The following CERCAM variants were observed in gnomAD, a reference collection of about 807,000 sequenced individuals.
CERCAM encodes inactive glycosyltransferase 25 family member 3.
A neutral mutation model predicts 66.0 loss-of-function variants in CERCAM; 59 were observed. The ratio of observed to expected loss-of-function variants is 0.89; its 90% CI spans 0.73 to 1.11. The LOEUF is 1.11. CERCAM is among the 50% of genes most tolerant of loss of function. CERCAM has a pLI of 0.00. For missense variants in CERCAM, 840 were observed against 828.3 expected (o/e 1.01, Z -0.17); for synonymous variants, 318 against 343.6 (o/e 0.93, Z 0.83).
intron 8 of CERCAM, 34 bp from the exon 9 acceptor site, chr9:128,431,137 G>T (rs745918379): frequency 1.2e-6 from 2 of 1,606,912 alleles, no homozygotes; most frequent in Non-Finnish European, 1.7e-6. Flanking sequence ...TCTCTGGCAG[G>T]CACCCCTCAC....
chr9:128,431,334 C>T (rs1332125599), intron 9 of CERCAM, 31 bp downstream of exon 9: 1 of 1,612,650 alleles, frequency 6.2e-7, no homozygotes, highest in African/African-American at 1.3e-5. Flanking sequence ...CATCCACAGC[C>T]TTCGGGGAGA....
chr9:128,422,541 C>A, intron 1 of CERCAM: 1 of 248,300 alleles, frequency 4.0e-6, no homozygotes, highest in Non-Finnish European at 8.0e-6. Context: ...GCACTACAGC[C>A]TGGGCGACAG....
chr9:128,420,837 C>A, upstream of CERCAM: 1 of 1,072,580 alleles, frequency 9.3e-7, no homozygotes, highest in Non-Finnish European at 1.2e-6. The surrounding 1 kb of genome is among the most constrained non-coding windows in gnomAD (Gnocchi z 5.0). Flanking sequence ...TCGGCCGGCC[C>A]GAGAGCTCCG....
intron 5 of CERCAM, among the ~76,000 whole-genome samples, chr9:128,425,515 CTT>C (rs1227487963): frequency 9.1e-5 from 13 of 142,368 alleles, no homozygotes; most frequent in Admixed American, 1.4e-4. Flanking sequence ...CTTTTCTGCC[CTT>C]TTTTTTTTTT....
At position 128,432,993 on chromosome 9, in the gene CERCAM, G is replaced by C. The variant is rs1355348197; in HGVS notation, c.1204-1109G>C. Among the ~76,000 whole-genome samples, 3 of 151,884 alleles carry C rather than the reference G, an allele frequency of 2.0e-5. No individual in the cohort carries two copies. The East Asian group carries it at 5.8e-4, about 30-fold the overall frequency. ...TACTAAAAATACAAAAATTAGCCCG[G>C]CGTTGGCCGGGCGCCGTGGCTCACG... On this transcript the variant is annotated intron_variant, in intron 9 of 12. Coordinates refer to ENST00000372838, the MANE Select transcript of CERCAM (RefSeq NM_016174.5).
Position 128,421,072 on chromosome 9 carries a change from C to A in CERCAM, c.195C>A (p.Leu65=). The A allele has an allele frequency of 1.5e-6, 2 of 1,311,478 alleles. No homozygotes were observed. Among genetic ancestry groups the A allele is most frequent in the South Asian group, 2.1e-5 (1 of 48,308 alleles). The allele number at this position is 1,311,478 out of a possible 1,614,324, so 81.2% of individuals were successfully genotyped here. Reference sequence around the variant, plus strand: ...ACTACCCCCGGGCCAGGATGGCCCTCTGGTGAGAGACCCGGGCATTGGCAC... The same window carrying A: ...ACTACCCCCGGGCCAGGATGGCCCTATGGTGAGAGACCCGGGCATTGGCAC... ...RLDYPRARMA[L]WCATDHNVDN... Residue 65 remains leucine (L), a splice_region_variant and synonymous_variant, in exon 1 of 13, where the codon CTC becomes CTA. Coordinates refer to ENST00000372838, the MANE Select transcript of CERCAM (RefSeq NM_016174.5).
intron 8 of CERCAM, among the ~76,000 whole-genome samples, chr9:128,429,669 G>A (rs911155700): frequency 2.6e-5 from 4 of 151,892 alleles, no homozygotes; most frequent in African/African-American, 4.8e-5. Flanking sequence ...GCTGGAGTGC[G>A]GTGCCACAAA....
In CERCAM at chr9:128,435,761, C is replaced by T. The variant is rs200746110; in HGVS notation, c.1644C>T (p.Asp548=). 36 of 1,613,468 alleles carry T rather than the reference C, an allele frequency of 2.2e-5. No homozygotes were observed. Among genetic ancestry groups the T allele is most frequent in the Admixed American group, 2.2e-4 (13 of 59,980 alleles). The change falls in exon 12 of 13, where the codon GAC becomes GAT. Residue 548 remains aspartate (D), a synonymous_variant. Coordinates refer to ENST00000372838, the MANE Select transcript of CERCAM (RefSeq NM_016174.5). The part of the protein sequence containing the change: ...HYAGDAEWLS[D]TETSSPWDDD... ...CCGGGGACGCCGAGTGGCTCAGTGA[C>T]ACGGAGACATCCTCTCCATGGGATG...
At chr9:128,427,485 C>T (rs7389492) in intron 5 of CERCAM, among the ~76,000 whole-genome samples, 34,459 of 150,614 alleles carry the variant, frequency 0.23, 4,291 homozygotes, top group East Asian at 0.38. Flanking sequence ...AAATATTGGC[C>T]GGGTGCAGTG....
In CERCAM at chr9:128,421,003, C is replaced by T; in HGVS notation, c.126C>T (p.Ala42=). 1 of 1,464,800 alleles carries T rather than the reference C, an allele frequency of 6.8e-7. No individual in the cohort carries two copies. Among genetic ancestry groups the T allele is most frequent in the Non-Finnish European group, 9.0e-7 (1 of 1,108,706 alleles). The allele number at this position is 1,464,800 out of a possible 1,614,324, so 90.7% of individuals were successfully genotyped here. A position where few individuals can be genotyped will look rare whatever the true frequency, so the allele number is the denominator to read the frequency against. The stretch of plus-strand genomic sequence containing the variant: ...TCCTTGCCATCCTGGCCCGCAATGC[C>T]GAACACTCGCTGCCCCACTACCTGG... ...AVVLAILARN[A]EHSLPHYLGA... Residue 42 remains alanine (A), a synonymous_variant, in exon 1 of 13, where the codon GCC becomes GCT. Transcript: ENST00000372838.
intron 1 of CERCAM, chr9:128,421,284 A>T (rs1013278949): frequency 2.4e-6 from 3 of 1,229,142 alleles, no homozygotes; most frequent in Non-Finnish European, 3.0e-6. Flanking sequence ...CCACAGGCCG[A>T]CGCGGGACAC....
chr9:128,431,133 G>T (rs1833964043), intron 8 of CERCAM, 38 bp from the exon 9 acceptor site: 6 of 1,606,214 alleles, frequency 3.7e-6, no homozygotes, highest in Non-Finnish European at 5.1e-6. Flanking sequence ...GGGGTCTCTG[G>T]CAGGCACCCC....
In CERCAM at chr9:128,437,244, C is replaced by G. The variant is rs904611747; in HGVS notation, c.*396C>G. 5.9e-5 allele frequency: 9 copies of G among 152,172 alleles called. No homozygotes were observed. Among genetic ancestry groups the G allele is most frequent in the African/African-American group, 2.2e-4 (9 of 41,248 alleles). The allele number at this position is 152,172 out of a possible 1,614,324, so 9.4% of individuals were successfully genotyped here. On this transcript the variant is annotated 3_prime_UTR_variant, in exon 13 of 13. Transcript: ENST00000372838. Reference sequence around the variant, plus strand: ...TTGATGTTTGGGTCTCCCCAGCACCCTCCTCCCTGGCCGGTGCAAAGTACA... The same window carrying G: ...TTGATGTTTGGGTCTCCCCAGCACCGTCCTCCCTGGCCGGTGCAAAGTACA...
In CERCAM at chr9:128,434,188, G is replaced by A; in HGVS notation, c.1290G>A (p.Leu430=). 6.2e-7 allele frequency: 1 copy of A among 1,614,166 alleles called. No individual in the cohort carries two copies. The highest frequency in any genetic ancestry group is 1.6e-4 in the Middle Eastern group (1 of 6,062). Residue 430 remains leucine, a synonymous_variant, in exon 10 of 13, where the codon CTG becomes CTA. Coordinates refer to ENST00000372838, the MANE Select transcript of CERCAM (RefSeq NM_016174.5). This position sits in a 1 kb window ranked among gnomAD's most constrained non-coding sequence, Gnocchi z 4.5. ...ESNFRGRLER[L]MEDVEAEKLS... ...ACTTCAGGGGGCGGCTGGAGCGGCT[G>A]ATGGAGGATGTGGAGGCAGAGAAAC...
chr9:128,421,566 C>T, intron 1 of CERCAM: 1 of 965,002 alleles, frequency 1.0e-6, no homozygotes, highest in African/African-American at 1.8e-5. Context: ...TCAGACCGGC[C>T]CCCCCACCGC....
intron 9 of CERCAM, 132 bp from the exon 10 acceptor site, chr9:128,433,970 C>A: frequency 8.0e-7 from 1 of 1,245,628 alleles, no homozygotes; most frequent in Non-Finnish European, 1.1e-6. Context: ...GTGGGGCCCC[C>A]AGCAGGCTTT....
intron 9 of CERCAM, among the ~76,000 whole-genome samples, chr9:128,433,590 T>C (rs906242854): frequency 6.6e-6 from 1 of 152,070 alleles, no homozygotes; most frequent in Admixed American, 6.6e-5. Context: ...GCCCCCTGAC[T>C]TGGGGGGCCA....
chr9:128,433,591 TG>T (rs1393329439), intron 9 of CERCAM, among the ~76,000 whole-genome samples: 2 of 151,908 alleles, frequency 1.3e-5, no homozygotes, highest in African/African-American at 4.8e-5. Flanking sequence ...CCCCCTGACT[TG>T]GGGGGCCATT....
upstream of CERCAM, chr9:128,420,808 C>T (rs1198208507): frequency 2.7e-6 from 2 of 729,036 alleles, no homozygotes; most frequent in Non-Finnish European, 3.6e-6. This position sits in a 1 kb window ranked among gnomAD's most constrained non-coding sequence, Gnocchi z 5.0. Flanking sequence ...GCCCGGGCCC[C>T]AGGCCCCGCC....
Sources: gnomAD v4.1 joint callset for allele counts (sites outside exome capture counted in the v4.1 genomes callset) on GRCh38, gnomAD v4.1.1 for gene constraint, Gnocchi (gnomAD v3.1) non-coding constraint, MANE v1.5 for transcripts, NCBI Gene and HGNC (gene_info 2026-07-23, HGNC 2026-07-21) for gene names.